Variants in EDIL3 observed in about 807,000 individuals in gnomAD.
The protein encoded by EDIL3 is EGF-like repeat and discoidin I-like domain-containing protein 3.
Under a neutral mutation model 67.4 loss-of-function variants are expected in EDIL3, and 37 were observed. The observed-to-expected ratio is 0.55, with a 90% CI of 0.42 to 0.72. EDIL3 has a LOEUF of 0.72. Among genes scored for constraint, EDIL3 ranks in the 30% least tolerant of loss-of-function variants. The pLI is 0.00. For missense variants in EDIL3, 527 were observed against 586.3 expected, an observed-to-expected ratio of 0.90 and a Z score of 1.04; for synonymous variants, 195 against 196.3, an observed-to-expected ratio of 0.99 and a Z score of 0.05.
At chr5:83,995,292 G>A (rs575436664) in intron 9 of EDIL3, among the ~76,000 whole-genome samples, 12 of 152,070 alleles carry the variant, frequency 7.9e-5, no homozygotes, top group East Asian at 1.9e-4. Context: ...GGACCCTAGC[G>A]GAGATTCATC....
chr5:84,060,929 T>G (rs1178666794), intron 8 of EDIL3, among the ~76,000 whole-genome samples: 1 of 152,184 alleles, frequency 6.6e-6, no homozygotes, highest in East Asian at 1.9e-4. Context: ...GAAAATTCCC[T>G]CAGTACAAAG....
At chr5:84,300,329 CT>C (rs1208004695) in intron 1 of EDIL3, among the ~76,000 whole-genome samples, 2 of 152,146 alleles carry the variant, frequency 1.3e-5, no homozygotes, top group Non-Finnish European at 2.9e-5. Flanking sequence ...TACCCAGGTG[CT>C]TAGGTTGGTT....
chr5:84,090,508 C>T (rs907848122), intron 6 of EDIL3, among the ~76,000 whole-genome samples: 1 of 152,060 alleles, frequency 6.6e-6, no homozygotes, highest in African/African-American at 2.4e-5. Flanking sequence ...GTTATGTGTT[C>T]CCCTGGGTTC....
At chr5:84,342,147 T>G (rs1365073994) in intron 1 of EDIL3, among the ~76,000 whole-genome samples, 1 of 152,038 alleles carries the variant, frequency 6.6e-6, no homozygotes, top group Non-Finnish European at 1.5e-5. Flanking sequence ...AAATAGAGTG[T>G]ATATAGACAA....
At chr5:84,107,447 T>C (rs1747484621) in intron 5 of EDIL3, among the ~76,000 whole-genome samples, 1 of 151,600 alleles carries the variant, frequency 6.6e-6, no homozygotes, top group South Asian at 2.1e-4. Flanking sequence ...CAAATTATTT[T>C]TATAAAGAGA....
intron 5 of EDIL3, among the ~76,000 whole-genome samples, chr5:84,130,812 A>C (rs1747950768): frequency 6.6e-6 from 1 of 152,172 alleles, no homozygotes; most frequent in African/African-American, 2.4e-5. Flanking sequence ...AAGATAAATC[A>C]AATTGGGTAT....
At chr5:84,294,882 G>A (rs1746011589) in intron 1 of EDIL3, among the ~76,000 whole-genome samples, 1 of 152,126 alleles carries the variant, frequency 6.6e-6, no homozygotes, top group Non-Finnish European at 1.5e-5. Context: ...TACACTGCTG[G>A]TAAGAAGCCC....
intron 9 of EDIL3, among the ~76,000 whole-genome samples, chr5:84,050,247 A>G (rs1746308066): frequency 6.6e-6 from 1 of 151,868 alleles, no homozygotes; most frequent in African/African-American, 2.4e-5. Flanking sequence ...TTGCTTGAGA[A>G]GTTCCAGACA....
intron 1 of EDIL3, among the ~76,000 whole-genome samples, chr5:84,259,960 A>G (rs1745196993): frequency 6.6e-6 from 1 of 152,212 alleles, no homozygotes; most frequent in Non-Finnish European, 1.5e-5. Context: ...TTCTCATGCC[A>G]TACAAAGAAG....
intron 5 of EDIL3, among the ~76,000 whole-genome samples, chr5:84,132,993 T>C (rs1748019442): frequency 6.6e-6 from 1 of 152,084 alleles, no homozygotes; most frequent in African/African-American, 2.4e-5. Flanking sequence ...GAAATCTGTC[T>C]TACTTTCCCA....
chr5:84,044,713 C>T (rs1438177803), intron 9 of EDIL3, among the ~76,000 whole-genome samples: 2 of 152,052 alleles, frequency 1.3e-5, no homozygotes, highest in South Asian at 2.1e-4. Flanking sequence ...AAGAGCTCTG[C>T]GGGCGGTAGA....
At position 84,215,763 on chromosome 5, in the gene EDIL3, C is replaced by A. The variant is rs1016429152; in HGVS notation, c.226+14092G>T. ...GCAATCCACCTGTGAGTGCCAAGCC[C>A]TGCCTGTAAGAACAATGTGTCCAGG... On this transcript the variant is annotated intron_variant, in intron 3 of 10. Coordinates refer to ENST00000296591, the MANE Select transcript of EDIL3 (RefSeq NM_005711.5). Among the ~76,000 whole-genome samples the A allele has an allele frequency of 3.9e-4, 59 of 152,250 alleles. 1 individual carries two copies. The highest frequency in any genetic ancestry group is 3.5e-3 in the Admixed American group (53 of 15,294).
At chr5:84,244,157 C>T (rs969635553) in intron 2 of EDIL3, among the ~76,000 whole-genome samples, 1 of 152,124 alleles carries the variant, frequency 6.6e-6, no homozygotes, top group Non-Finnish European at 1.5e-5. Context: ...GTAGTAATTC[C>T]TCATATCAAA....
intron 3 of EDIL3, 50 bp downstream of exon 3, chr5:84,229,805 T>C: frequency 6.4e-7 from 1 of 1,560,864 alleles, no homozygotes; most frequent in Non-Finnish European, 8.7e-7. Context: ...TCTCTATTAT[T>C]AAAGGCATGA....
At position 84,199,751 on chromosome 5, in the gene EDIL3, G is replaced by A. The variant is rs192543286; in HGVS notation, c.227-19230C>T. On this transcript the variant is annotated intron_variant, in intron 3 of 10. Coordinates refer to ENST00000296591, the MANE Select transcript of EDIL3 (RefSeq NM_005711.5). Reference sequence around the variant, plus strand: ...TTTTGCAACACAAAGTTTTCATGTCGTGGGATTGAAGGGACTTTAGTGGTG... The same window carrying A: ...TTTTGCAACACAAAGTTTTCATGTCATGGGATTGAAGGGACTTTAGTGGTG... Among the ~76,000 whole-genome samples the A allele has an allele frequency of 1.4e-4, 21 of 152,074 alleles. No individual in the cohort carries two copies. The South Asian group carries it at 1.5e-3, about 11-fold the overall frequency.
At chr5:84,384,221 A>C (rs1247650896) in intron 1 of EDIL3, 87 bp downstream of exon 1, 7 of 1,490,972 alleles carry the variant, frequency 4.7e-6, no homozygotes, top group East Asian at 4.8e-5. Context: ...GGCACGCCGG[A>C]GGGACCGCCT....
intron 9 of EDIL3, among the ~76,000 whole-genome samples, chr5:84,011,275 A>G (rs985826957): frequency 6.6e-6 from 1 of 152,140 alleles, no homozygotes; most frequent in South Asian, 2.1e-4. Flanking sequence ...TCGGCCAAAA[A>G]ACTTGAAATC....
At chr5:84,011,343 C>A (rs1171364639) in intron 9 of EDIL3, among the ~76,000 whole-genome samples, 1 of 152,152 alleles carries the variant, frequency 6.6e-6, no homozygotes, top group Non-Finnish European at 1.5e-5. Flanking sequence ...TCATGTAAGT[C>A]CATCTTTAAA....
intron 9 of EDIL3, among the ~76,000 whole-genome samples, chr5:84,033,133 A>C (rs1285778687): frequency 1.3e-5 from 2 of 152,148 alleles, no homozygotes; most frequent in Non-Finnish European, 2.9e-5. Context: ...TCTCTGATCC[A>C]CTATTCCAGT....
Sources: allele counts gnomAD v4.1 joint callset (sites outside exome capture counted in the v4.1 genomes callset), GRCh38; gene constraint gnomAD v4.1.1; transcripts MANE v1.5; gene names NCBI Gene and HGNC (gene_info 2026-07-23, HGNC 2026-07-21).